The following KIF1A variants were observed in gnomAD, a reference collection of about 807,000 sequenced individuals.
KIF1A encodes the protein kinesin family member 1A.
In KIF1A, 46 loss-of-function variants were observed where a neutral mutation model predicts 227.3. The observed-to-expected ratio is 0.20, with a 90% confidence interval of 0.16 to 0.26. The LOEUF is 0.26. Ranked by LOEUF, KIF1A falls within the 10% of genes least tolerant of loss-of-function variation. The pLI, the probability that KIF1A is intolerant of heterozygous loss-of-function variation, is 1.00. For missense variants in KIF1A, 1,683 were observed against 2,485.9 expected (o/e 0.68, Z 6.87); for synonymous variants, 1,022 against 1,012.8 (o/e 1.01, Z -0.17).
chr2:240,746,245 C>T (rs2048584275), intron 29 of KIF1A, 68 bp from the exon 30 acceptor site: 5 of 1,521,880 alleles, frequency 3.3e-6, no homozygotes, highest in Non-Finnish European at 4.4e-6. Context: ...GTAGACCCTG[C>T]CACAGGCCCA....
At position 240,757,299 on chromosome 2, in the gene KIF1A, C is replaced by T; in HGVS notation, c.2858+20G>A. The T allele has an allele frequency of 6.5e-7, 1 of 1,548,318 alleles. No homozygotes were observed. The highest frequency in any genetic ancestry group is 8.7e-7 in the Non-Finnish European group (1 of 1,145,240). On this transcript the variant is annotated intron_variant, in intron 27 of 48. Transcript: ENST00000498729. The surrounding 1 kb of genome is among the most constrained non-coding windows in gnomAD (Gnocchi z 6.2). The stretch of plus-strand genomic sequence containing the variant: ...AAAGAGCTGGGTCCTCCCCAGCATG[C>T]TCTCCTCGACCTCACCAACCTTCCT...
intron 10 of KIF1A, among the ~76,000 whole-genome samples, chr2:240,781,625 A>C (rs181334136): frequency 2.0e-5 from 3 of 150,998 alleles, no homozygotes; most frequent in African/African-American, 7.3e-5. Flanking sequence ...CGCGGTTATC[A>C]CCGCTCCTCA....
Position 240,723,974 on chromosome 2 carries a change from C to T in KIF1A, c.4318+1G>A. ...CCAGTGAGAGCAGGGCAGATACCTA[C>T]CTGGGCTGCCCGCGTCAGCCACGTG... On this transcript the variant is annotated splice_donor_variant, in intron 41 of 48. Coordinates refer to ENST00000498729, the MANE Select transcript of KIF1A (RefSeq NM_001244008.2). LOFTEE classifies it high-confidence loss of function. 1 of 1,611,726 alleles carries T rather than the reference C, an allele frequency of 6.2e-7. No homozygotes were observed. The highest frequency in any genetic ancestry group is 8.5e-7 in the Non-Finnish European group (1 of 1,178,998).
Position 240,763,108 on chromosome 2 carries a change from G to C in KIF1A, c.1950-17C>G. The C allele has an allele frequency of 6.3e-7, 1 of 1,595,296 alleles. No homozygotes were observed. Among genetic ancestry groups the C allele is most frequent in the South Asian group, 1.1e-5 (1 of 89,848 alleles). ...TCCTGGAGCCTGCAAGGGGGCATTG[G>C]GGTGAGCACGGGAGGGCAGGAGGGG... On this transcript the variant is annotated splice_polypyrimidine_tract_variant and intron_variant, in intron 21 of 48. Transcript: ENST00000498729.
chr2:240,779,518 C>T (rs1575613919), intron 10 of KIF1A, among the ~76,000 whole-genome samples: 1 of 147,714 alleles, frequency 6.8e-6, no homozygotes, highest in East Asian at 2.0e-4. Context: ...ACACTCAGTT[C>T]CTCACAGTTC....
chr2:240,759,997 CAG>C, intron 25 of KIF1A, among the ~76,000 whole-genome samples: 1 of 149,864 alleles, frequency 6.7e-6, no homozygotes, highest in African/African-American at 2.5e-5. Context: ...GCCTGAGCAA[CAG>C]AGCAAGGCCC....
Position 240,779,036 on chromosome 2 carries a change from ACACTCAGTCCCT to A in KIF1A, c.883-3122_883-3111del, listed in dbSNP as rs373844795. On this transcript the variant is annotated intron_variant, in intron 10 of 48. Coordinates refer to ENST00000498729, the MANE Select transcript of KIF1A (RefSeq NM_001244008.2). ...TCCACACAGTTCCACACTCAGTTCC[ACACTCAGTCCCT>A]CACTCAGTTCCACACTCAGTTCCTC... Among the ~76,000 whole-genome samples the A allele has an allele frequency of 3.6e-3, 531 of 146,228 alleles. 4 individuals are homozygous for A. Among genetic ancestry groups the A allele is most frequent in the African/African-American group, 0.014 (497 of 36,574 alleles).
intron 1 of KIF1A, among the ~76,000 whole-genome samples, chr2:240,816,973 C>T (rs1362984286): frequency 1.3e-5 from 2 of 152,118 alleles, no homozygotes; most frequent in Non-Finnish European, 2.9e-5. Flanking sequence ...ACTGGGGTGG[C>T]GAGAGGCCAG....
At chr2:240,787,361 TC>T in intron 4 of KIF1A, 45 bp from the exon 5 acceptor site, 1 of 1,529,482 alleles carries the variant, frequency 6.5e-7, no homozygotes, top group Middle Eastern at 1.7e-4. Flanking sequence ...CTGGGGCTGC[TC>T]CCTGGATCCC....
In KIF1A at chr2:240,807,130, G is replaced by GTGTA. The variant is rs1356399506; in HGVS notation, c.-60-9319_-60-9318insTACA. Among the ~76,000 whole-genome samples, 810 of 119,190 alleles carry GTGTA rather than the reference G, an allele frequency of 6.8e-3. 4 individuals are homozygous for GTGTA. Among genetic ancestry groups the GTGTA allele is most frequent in the Non-Finnish European group, 0.01 (563 of 55,720 alleles). 78.2% of individuals were successfully genotyped at this position (119,190 alleles called of 152,430 possible). On this transcript the variant is annotated intron_variant, in intron 1 of 48. Coordinates refer to ENST00000498729, the MANE Select transcript of KIF1A (RefSeq NM_001244008.2). ...TGTGTGTGTGTGTGTGTGTGTGTGTGTATATATATATATATATATATACAC... is the reference window on the plus strand; with the variant it reads ...TGTGTGTGTGTGTGTGTGTGTGTGTGTGTATATATATATATATATATATATACAC...
chr2:240,723,840 C>A, intron 41 of KIF1A, 135 bp downstream of exon 41: 1 of 857,746 alleles, frequency 1.2e-6, no homozygotes, highest in South Asian at 1.4e-5. Flanking sequence ...CAGAACAACT[C>A]CAGAAGCCAC....
Position 240,725,448 on chromosome 2 carries a change from G to A in KIF1A, c.4123-44C>T. On this transcript the variant is annotated intron_variant, in intron 39 of 48. Coordinates refer to ENST00000498729, the MANE Select transcript of KIF1A (RefSeq NM_001244008.2). This position sits in a 1 kb window ranked among gnomAD's most constrained non-coding sequence, Gnocchi z 5.8. ...GGACTCAGGCACAAGGACACCCCGAGTGCCCAGGTGCCCTTCCAGCCTTCT... is the reference window on the plus strand; with the variant it reads ...GGACTCAGGCACAAGGACACCCCGAATGCCCAGGTGCCCTTCCAGCCTTCT... 3.1e-6 allele frequency: 5 copies of A among 1,599,658 alleles called. No individual in the cohort carries two copies.
In KIF1A at chr2:240,752,921, A is replaced by G. The variant is rs2049397058; in HGVS notation, c.2859-2374T>C. ...TCCATTGGCGCAGCTCACAGGAAGG[A>G]GAGGCTAGAGCTGTCCAGGGCCACC... is the stretch of plus-strand genomic sequence containing the variant. On this transcript the variant is annotated intron_variant, in intron 27 of 48. Coordinates refer to ENST00000498729, the MANE Select transcript of KIF1A (RefSeq NM_001244008.2). The surrounding 1 kb of genome is among the most constrained non-coding windows in gnomAD (Gnocchi z 6.4). 6.6e-6 allele frequency among the ~76,000 whole-genome samples: 1 copy of G among 152,132 alleles called. No homozygotes were observed. Among genetic ancestry groups the G allele is most frequent in the African/African-American group, 2.4e-5 (1 of 41,428 alleles).
chr2:240,789,782 C>A lies in KIF1A; in HGVS notation c.107-470G>T, dbSNP rs1374247209. ...CCATCACGTTTGTGTTACGCCTGTGCGGTTCTTCTAGGCTTGCTACTCCAG... is the reference window on the plus strand; with the variant it reads ...CCATCACGTTTGTGTTACGCCTGTGAGGTTCTTCTAGGCTTGCTACTCCAG... On this transcript the variant is annotated intron_variant, in intron 2 of 48. Transcript: ENST00000498729. This position sits in a 1 kb window ranked among gnomAD's most constrained non-coding sequence, Gnocchi z 4.8. Among the ~76,000 whole-genome samples the A allele has an allele frequency of 2.0e-5, 3 of 152,234 alleles. No homozygotes were observed. In the East Asian group the frequency reaches 5.8e-4, roughly 30 times the overall value.
intron 1 of KIF1A, among the ~76,000 whole-genome samples, chr2:240,800,526 G>C (rs1377419660): frequency 6.6e-6 from 1 of 152,206 alleles, no homozygotes. Context: ...TGCGCACGGG[G>C]CAAGAGACTG....
chr2:240,725,459 C>T lies in KIF1A; in HGVS notation c.4123-55G>A, dbSNP rs996132394. 3.1e-6 allele frequency: 5 copies of T among 1,587,710 alleles called. No individual in the cohort carries two copies. Among genetic ancestry groups the T allele is most frequent in the South Asian group, 2.3e-5 (2 of 88,720 alleles). On this transcript the variant is annotated intron_variant, in intron 39 of 48. Transcript: ENST00000498729. The surrounding 1 kb of genome is among the most constrained non-coding windows in gnomAD (Gnocchi z 5.8). ...CAAGGACACCCCGAGTGCCCAGGTG[C>T]CCTTCCAGCCTTCTCCTGGGGGCAC...
intron 28 of KIF1A, among the ~76,000 whole-genome samples, chr2:240,748,486 G>A (rs924987341): frequency 1.3e-5 from 2 of 152,178 alleles, no homozygotes; most frequent in Non-Finnish European, 2.9e-5. Flanking sequence ...GTGGGGGCCA[G>A]TGGGAGGAAG....
chr2:240,744,556 T>A (rs1230247600), intron 32 of KIF1A, among the ~76,000 whole-genome samples: 1 of 152,138 alleles, frequency 6.6e-6, no homozygotes, highest in African/African-American at 2.4e-5. Flanking sequence ...CAATCCAACA[T>A]GGCTGCTGTC....
intron 1 of KIF1A, among the ~76,000 whole-genome samples, chr2:240,802,093 C>T (rs2057020488): frequency 8.4e-6 from 1 of 118,406 alleles, no homozygotes; most frequent in Non-Finnish European, 1.7e-5. Flanking sequence ...TTAAAGTCAG[C>T]CAGAAAAAAA....
Sources: allele counts gnomAD v4.1 joint callset (sites outside exome capture counted in the v4.1 genomes callset), GRCh38; gene constraint gnomAD v4.1.1; non-coding constraint Gnocchi (gnomAD v3.1); transcripts MANE v1.5; gene names NCBI Gene and HGNC (gene_info 2026-07-23, HGNC 2026-07-21).